Variants in EIF4G2 observed in about 807,000 individuals in gnomAD.
The protein encoded by EIF4G2 is eukaryotic translation initiation factor 4 gamma 2.
Under a neutral mutation model 117.7 loss-of-function variants are expected in EIF4G2, and 8 were observed. That is an observed-to-expected ratio of 0.07 (90% CI 0.04 to 0.12). The LOEUF is 0.12. Among genes scored for constraint, EIF4G2 ranks in the 10% least tolerant of loss-of-function variants. The pLI is 1.00. For synonymous variants in EIF4G2, 413 were observed against 367.8 expected, an observed-to-expected ratio of 1.12 and a Z score of -1.41; for missense variants, 812 against 1,086.2, an observed-to-expected ratio of 0.75 and a Z score of 3.55.
At position 10,797,104 on chromosome 11, in the gene EIF4G2, T is replaced by C. The variant is rs1740023050; in HGVS notation, c.*712A>G. 6.6e-6 allele frequency: 1 copy of C among 152,586 alleles called. No homozygotes were observed. The highest frequency in any genetic ancestry group is 6.6e-5 in the Admixed American group (1 of 15,266). 9.5% of individuals were successfully genotyped at this position (152,586 alleles called of 1,614,324 possible). On this transcript the variant is annotated 3_prime_UTR_variant, in exon 22 of 22. Transcript: ENST00000339995. The surrounding 1 kb of genome is among the most constrained non-coding windows in gnomAD (Gnocchi z 4.5). ...GATACAAGTATATAAAATCAGGGCA[T>C]GAACATGACTTGATAAATTAAGTAG...
At chr11:10,798,563 T>A (rs1847329127) in intron 21 of EIF4G2, among the ~76,000 whole-genome samples, 1 of 151,906 alleles carries the variant, frequency 6.6e-6, no homozygotes, top group Admixed American at 6.5e-5. Context: ...TTTTTGTATT[T>A]TTTAGAGACA....
In EIF4G2 at chr11:10,807,352, G is replaced by A. The variant is rs1351433078; in HGVS notation, c.-57C>T. The stretch of plus-strand genomic sequence containing the variant: ...AGAATAATATTAATAGATGGGGTGG[G>A]GAGGGGAGGGGACAGGAGAAATGAA... On this transcript the variant is annotated 5_prime_UTR_variant, in exon 2 of 22. Transcript: ENST00000339995. The A allele has an allele frequency of 1.2e-6, 2 of 1,608,410 alleles. No individual in the cohort carries two copies. Among genetic ancestry groups the A allele is most frequent in the Non-Finnish European group, 1.7e-6 (2 of 1,177,736 alleles).
In EIF4G2 at chr11:10,803,750, T is replaced by C; in HGVS notation, c.702+149A>G. The C allele has an allele frequency of 1.7e-6, 2 of 1,205,958 alleles. No individual in the cohort carries two copies. Among genetic ancestry groups the C allele is most frequent in the Non-Finnish European group, 2.3e-6 (2 of 858,802 alleles). 74.7% of individuals were successfully genotyped at this position (1,205,958 alleles called of 1,614,324 possible). Reference sequence around the variant, plus strand: ...GTTGATCAGTTCTAACTCTACTTTGTCAAACACACCACGTATTTCAAATTA... The same window carrying C: ...GTTGATCAGTTCTAACTCTACTTTGCCAAACACACCACGTATTTCAAATTA... On this transcript the variant is annotated intron_variant, in intron 8 of 21. Coordinates refer to ENST00000339995, the MANE Select transcript of EIF4G2 (RefSeq NM_001418.4). This position sits in a 1 kb window ranked among gnomAD's most constrained non-coding sequence, Gnocchi z 4.0.
intron 1 of EIF4G2, chr11:10,808,346 C>A: frequency 8.3e-7 from 1 of 1,199,142 alleles, no homozygotes; most frequent in Non-Finnish European, 1.1e-6. Flanking sequence ...CCTGGCCTTC[C>A]CTGCCGGCCC....
intron 1 of EIF4G2, 110 bp from the exon 2 acceptor site, chr11:10,807,491 C>G: frequency 7.3e-7 from 1 of 1,364,276 alleles, no homozygotes; most frequent in Non-Finnish European, 9.4e-7. Context: ...CATTGCAGAT[C>G]TGTAAGACTA....
At position 10,804,272 on chromosome 11, in the gene EIF4G2, A is replaced by G. The variant is rs777519850; in HGVS notation, c.483+15T>C. The G allele has an allele frequency of 1.2e-6, 2 of 1,613,028 alleles. No homozygotes were observed. Among genetic ancestry groups the G allele is most frequent in the South Asian group, 2.2e-5 (2 of 91,052 alleles). ...AAGTCAACTTTAAAACAAGCAAACA[A>G]AAACTACCACTTACGGTGCTTTGCT... On this transcript the variant is annotated intron_variant, in intron 6 of 21. Coordinates refer to ENST00000339995, the MANE Select transcript of EIF4G2 (RefSeq NM_001418.4).
intron 21 of EIF4G2, 169 bp downstream of exon 21, chr11:10,798,823 T>C (rs1251019287): frequency 4.9e-6 from 4 of 820,014 alleles, no homozygotes; most frequent in South Asian, 2.0e-5. Flanking sequence ...ATTCATTGTG[T>C]AGCTTTACTT....
Position 10,797,778 on chromosome 11 carries a change from C to T in EIF4G2, c.*38G>A, listed in dbSNP as rs1022240963. 6.2e-7 allele frequency: 1 copy of T among 1,602,462 alleles called. No individual in the cohort carries two copies. The highest frequency in any genetic ancestry group is 8.5e-7 in the Non-Finnish European group (1 of 1,170,382). On this transcript the variant is annotated 3_prime_UTR_variant, in exon 22 of 22. Coordinates refer to ENST00000339995, the MANE Select transcript of EIF4G2 (RefSeq NM_001418.4). The surrounding 1 kb of genome is among the most constrained non-coding windows in gnomAD (Gnocchi z 4.5). ...GTCAAATGCAGTTACATCATAGCAA[C>T]AGTATGTTTTGCACAATTTAAGGCT...
intron 1 of EIF4G2, chr11:10,808,129 A>G (rs903038135): frequency 2.9e-6 from 3 of 1,049,304 alleles, no homozygotes; most frequent in Non-Finnish European, 3.5e-6. Context: ...CGCCGCCTCC[A>G]AGCGGGCCCC....
chr11:10,806,094 G>A (rs765714207), intron 3 of EIF4G2, 47 bp from the exon 4 acceptor site: 2 of 1,609,516 alleles, frequency 1.2e-6, no homozygotes, highest in African/African-American at 1.3e-5. Flanking sequence ...CACACCAAAT[G>A]TTAAACATCA....
At chr11:10,802,983 T>TAC (rs772658793) in intron 11 of EIF4G2, 47 bp downstream of exon 11, 1 of 1,562,344 alleles carries the variant, frequency 6.4e-7, no homozygotes, top group African/African-American at 1.4e-5. Context: ...CATTCTATTC[T>TAC]ACACACACAG....
chr11:10,804,308 T>C lies in EIF4G2; in HGVS notation c.462A>G (p.Gln154=), dbSNP rs1277685872. The change falls in exon 6 of 22, where the codon CAA becomes CAG. Residue 154 remains glutamine (Q), a synonymous_variant. Coordinates refer to ENST00000339995, the MANE Select transcript of EIF4G2 (RefSeq NM_001418.4). ...TTACGGTGCTTTGCTTCTGTCCTGGTTGACCCTCTGCTGCTGGGCCATCAA... is the reference window on the plus strand; with the variant it reads ...TTACGGTGCTTTGCTTCTGTCCTGGCTGACCCTCTGCTGCTGGGCCATCAA... 6 of 1,614,026 alleles carry C rather than the reference T, an allele frequency of 3.7e-6. No homozygotes were observed. In the Admixed American group the frequency reaches 5.0e-5, roughly 13 times the overall value.
At position 10,803,302 on chromosome 11, in the gene EIF4G2, G is replaced by T; in HGVS notation, c.814-8C>A. 3.1e-6 allele frequency: 5 copies of T among 1,611,746 alleles called. No homozygotes were observed. Among genetic ancestry groups the T allele is most frequent in the Non-Finnish European group, 4.2e-6 (5 of 1,179,216 alleles). On this transcript the variant is annotated splice_region_variant and splice_polypyrimidine_tract_variant and intron_variant, in intron 9 of 21. Transcript: ENST00000339995. This position sits in a 1 kb window ranked among gnomAD's most constrained non-coding sequence, Gnocchi z 4.0. ...GTACTGATCCATTAAGGACTGATAA[G>T]AGAAGAATACATTCATTGGAAGAGC...
chr11:10,806,497 A>G (rs954397011), intron 3 of EIF4G2: 2 of 342,610 alleles, frequency 5.8e-6, no homozygotes, highest in Admixed American at 8.7e-5. Flanking sequence ...AACACTTTCT[A>G]ATGTTTTATT....
chr11:10,806,754 C>T (rs1564985489), intron 3 of EIF4G2, 66 bp downstream of exon 3: 23 of 1,562,946 alleles, frequency 1.5e-5, no homozygotes, highest in East Asian at 1.1e-4. Context: ...TTAATTATAC[C>T]GTCACATGGG....
At chr11:10,807,483 T>C (rs1847613457) in intron 1 of EIF4G2, 102 bp from the exon 2 acceptor site, 11 of 1,393,956 alleles carry the variant, frequency 7.9e-6, no homozygotes, top group Non-Finnish European at 9.3e-6. Context: ...TGTCACTGCA[T>C]TGCAGATCTG....
intron 21 of EIF4G2, 139 bp from the exon 22 acceptor site, chr11:10,798,020 A>G (rs1847307315): frequency 2.8e-6 from 2 of 725,004 alleles, no homozygotes; most frequent in Non-Finnish European, 4.6e-6. Flanking sequence ...AAGTTAACGA[A>G]CAGTGGTATA....
chr11:10,804,430 G>C lies in EIF4G2; in HGVS notation c.352-12C>G, dbSNP rs780100884. 6.4e-7 allele frequency: 1 copy of C among 1,566,134 alleles called. No individual in the cohort carries two copies. The highest frequency in any genetic ancestry group is 2.0e-5 in the Admixed American group (1 of 48,942). On this transcript the variant is annotated splice_polypyrimidine_tract_variant and intron_variant, in intron 5 of 21. Coordinates refer to ENST00000339995, the MANE Select transcript of EIF4G2 (RefSeq NM_001418.4). ...GCTTTGTCCACAATCTACAGAAAAT[G>C]TCATTGCTTAAACTAAATATGAAAA...
chr11:10,807,600 A>T, intron 1 of EIF4G2: 4 of 1,182,668 alleles, frequency 3.4e-6, no homozygotes, highest in Non-Finnish European at 4.2e-6. Context: ...AGAACACAAG[A>T]GCATTTTAAA....
Sources: gnomAD v4.1 joint callset for allele counts (sites outside exome capture counted in the v4.1 genomes callset) on GRCh38, gnomAD v4.1.1 for gene constraint, Gnocchi (gnomAD v3.1) non-coding constraint, MANE v1.5 for transcripts, NCBI Gene and HGNC (gene_info 2026-07-23, HGNC 2026-07-21) for gene names.